Variants in DEFB108B observed in about 807,000 individuals in gnomAD.
DEFB108B encodes beta-defensin 108B.
A neutral mutation model predicts 2.4 loss-of-function variants in DEFB108B; 3 were observed. The ratio of observed to expected loss-of-function variants is 1.25; its 90% CI spans 0.57 to 3.24. The LOEUF (loss-of-function observed/expected upper bound fraction) is 3.24. Ranked by LOEUF, DEFB108B falls within the 30% of genes most tolerant of loss-of-function variation. DEFB108B has a pLI of 0.03. For missense variants in DEFB108B, 101 were observed against 87.8 expected (o/e 1.15, Z -0.60); for synonymous variants, 25 against 28.7 (o/e 0.87, Z 0.41).
chr11:71,837,398 G>A lies in DEFB108B; in HGVS notation c.59-1G>A, dbSNP rs757881672. 21 of 1,611,568 alleles carry A rather than the reference G, an allele frequency of 1.3e-5. No homozygotes were observed. In the Admixed American group the frequency reaches 1.3e-4, roughly 10 times the overall value. On this transcript the variant is annotated splice_acceptor_variant, in intron 1 of 1. Coordinates refer to ENST00000328698, the MANE Select transcript of DEFB108B (RefSeq NM_001002035.2). LOFTEE classifies it high-confidence loss of function. ...TTACAATAACCCTCTTCTTCATGTA[G>A]CCAGGGGCAAATTCAAGGAGATCTG...
At chr11:71,834,220 AG>A (rs1952200133) in intron 1 of DEFB108B, among the ~76,000 whole-genome samples, 1 of 152,114 alleles carries the variant, frequency 6.6e-6, no homozygotes, top group Admixed American at 6.5e-5. Flanking sequence ...GACTTCCTAA[AG>A]CCTGAAAAAA....
intron 1 of DEFB108B, among the ~76,000 whole-genome samples, chr11:71,833,754 C>T (rs1952195959): frequency 1.3e-5 from 2 of 152,194 alleles, no homozygotes; most frequent in Non-Finnish European, 2.9e-5. Flanking sequence ...TGACTTTTCC[C>T]CTTAAGGCTC....
At chr11:71,835,266 C>G (rs1952209249) in intron 1 of DEFB108B, among the ~76,000 whole-genome samples, 1 of 152,112 alleles carries the variant, frequency 6.6e-6, no homozygotes, top group African/African-American at 2.4e-5. Flanking sequence ...AAGTCCCAAT[C>G]TCTCTTGTTC....
intron 1 of DEFB108B, chr11:71,834,640 T>C (rs1044951376): frequency 2.0e-5 from 3 of 152,172 alleles, no homozygotes; most frequent in Non-Finnish European, 4.4e-5. Context: ...AGGTGGCACC[T>C]CCTCTGGATG....
At chr11:71,837,322 C>A (rs1252027818) in intron 1 of DEFB108B, 77 bp from the exon 2 acceptor site, 5 of 1,531,044 alleles carry the variant, frequency 3.3e-6, no homozygotes, top group East Asian at 2.2e-5. Flanking sequence ...TCAAGCACTG[C>A]CCCCTACATC....
intron 1 of DEFB108B, among the ~76,000 whole-genome samples, chr11:71,836,559 A>T (rs1952220112): frequency 6.6e-6 from 1 of 152,216 alleles, no homozygotes; most frequent in Non-Finnish European, 1.5e-5. Flanking sequence ...ACACTTTTCA[A>T]ACTAAATACC....
At chr11:71,836,195 A>G (rs1952215814) in intron 1 of DEFB108B, among the ~76,000 whole-genome samples, 1 of 152,212 alleles carries the variant, frequency 6.6e-6, no homozygotes. Flanking sequence ...CTACTAAGTG[A>G]CCAACATCTA....
Position 71,837,428 on chromosome 11 carries a change from C to G in DEFB108B, c.88C>G (p.Arg30Gly). 1 of 1,611,938 alleles carries G rather than the reference C, an allele frequency of 6.2e-7. No individual in the cohort carries two copies. Among genetic ancestry groups the G allele is most frequent in the Non-Finnish European group, 8.5e-7 (1 of 1,179,798 alleles). The change falls in exon 2 of 2, where the codon CGT becomes GGT. Residue 30 changes from arginine to glycine, a missense_variant. Physicochemically the swap from Arg to Gly is moderately radical, Grantham distance 125. Transcript: ENST00000328698. ...ARGKFKEICE[R>G]PNGSCRDFCL... The stretch of plus-strand genomic sequence containing the variant: ...GGGCAAATTCAAGGAGATCTGTGAA[C>G]GTCCAAATGGCTCCTGTCGGGACTT...
chr11:71,837,118 C>T (rs967514243), intron 1 of DEFB108B: 17 of 361,244 alleles, frequency 4.7e-5, no homozygotes, highest in African/African-American at 1.1e-4. Flanking sequence ...CTGAAACTTG[C>T]ATGCTCTAGA....
intron 1 of DEFB108B, among the ~76,000 whole-genome samples, chr11:71,836,248 A>G (rs1372303242): frequency 1.3e-5 from 2 of 152,208 alleles, no homozygotes; most frequent in Admixed American, 1.3e-4. Context: ...TTATTTCCCA[A>G]TTTGCATTAT....
intron 1 of DEFB108B, 42 bp downstream of exon 1, chr11:71,833,299 T>C (rs749505571): frequency 1.3e-6 from 2 of 1,567,070 alleles, no homozygotes; most frequent in Admixed American, 1.8e-5. Flanking sequence ...CCTAACACCT[T>C]ACAGGGATTC....
At chr11:71,833,332 T>C in intron 1 of DEFB108B, 75 bp downstream of exon 1, 2 of 1,586,176 alleles carry the variant, frequency 1.3e-6, no homozygotes, top group South Asian at 2.3e-5. Flanking sequence ...GAAATCACCA[T>C]CACCTATAAC....
chr11:71,833,384 C>T, intron 1 of DEFB108B, 127 bp downstream of exon 1: 1 of 1,431,284 alleles, frequency 7.0e-7, no homozygotes, highest in Non-Finnish European at 9.4e-7. Context: ...GACTCATTGG[C>T]TGAGAGGCCT....
rs367594521 is a variant in DEFB108B, at chr11:71,836,469, T to A, written c.59-930T>A. Among the ~76,000 whole-genome samples the A allele has an allele frequency of 3.4e-4, 52 of 152,176 alleles. 1 individual carries two copies. In the South Asian group the frequency reaches 8.5e-3, roughly 25 times the overall value. ...CAGAATAGAAAAAAAAAAGTGCTGGTTTTTATACCTCTCTTATTGCCAAGA... is the reference window on the plus strand; with the variant it reads ...CAGAATAGAAAAAAAAAAGTGCTGGATTTTATACCTCTCTTATTGCCAAGA... On this transcript the variant is annotated intron_variant, in intron 1 of 1. Coordinates refer to ENST00000328698, the MANE Select transcript of DEFB108B (RefSeq NM_001002035.2).
At chr11:71,833,905 G>A (rs558508841) in intron 1 of DEFB108B, among the ~76,000 whole-genome samples, 1 of 152,230 alleles carries the variant, frequency 6.6e-6, no homozygotes, top group Admixed American at 6.5e-5. Flanking sequence ...CAGGTATAAG[G>A]CCCCTTGCAC....
chr11:71,833,252 T>C lies in DEFB108B; in HGVS notation c.53T>C (p.Leu18Pro), dbSNP rs547239987. 9.5e-6 allele frequency: 15 copies of C among 1,578,056 alleles called. No individual in the cohort carries two copies. In the South Asian group the frequency reaches 1.3e-4, roughly 14 times the overall value. ...ATTTTCTTCTTTATGAGCCAAGTTC[T>C]ACCAGGTAACAAAATAAACTTGGTA... is the stretch of plus-strand genomic sequence containing the variant. Reference protein sequence around the residue: ...FAIFFFMSQVLPARGKFKEIC... With the variant: ...FAIFFFMSQVPPARGKFKEIC... The change falls in exon 1 of 2, where the codon CTA (leucine) becomes CCA (proline). Residue 18 changes from leucine (L) to proline (P), a missense_variant. Physicochemically the swap from Leu to Pro is moderately conservative, Grantham distance 98. Transcript: ENST00000328698.
chr11:71,837,706 C>T lies in DEFB108B; in HGVS notation c.*144C>T. ...AAGAATAAACCAAAACCAACCAGCA[C>T]AAAACTCTTTTAAAAGTTTATATTA... On this transcript the variant is annotated 3_prime_UTR_variant, in exon 2 of 2. Coordinates refer to ENST00000328698, the MANE Select transcript of DEFB108B (RefSeq NM_001002035.2). The T allele has an allele frequency of 1.7e-6, 2 of 1,188,876 alleles. No homozygotes were observed. The highest frequency in any genetic ancestry group is 2.5e-5 in the East Asian group (1 of 39,438). 73.6% of individuals were successfully genotyped at this position (1,188,876 alleles called of 1,614,324 possible).
intron 1 of DEFB108B, chr11:71,836,962 GTC>G (rs35449231): frequency 0.043 from 2,162 of 50,552 alleles, 31 homozygotes; most frequent in African/African-American, 0.08. Context: ...GTGTGTGTGT[GTC>G]TGTGTGTGTA....
chr11:71,835,122 G>A (rs1952207958), intron 1 of DEFB108B, among the ~76,000 whole-genome samples: 2 of 152,190 alleles, frequency 1.3e-5, no homozygotes, highest in Admixed American at 6.5e-5. Flanking sequence ...GATTCAGGGA[G>A]TGCATGTGCA....
Sources: gnomAD v4.1 joint callset for allele counts (sites outside exome capture counted in the v4.1 genomes callset) on GRCh38, gnomAD v4.1.1 for gene constraint, MANE v1.5 for transcripts, NCBI Gene and HGNC (gene_info 2026-07-23, HGNC 2026-07-21) for gene names.